PLCB2: variants seen among roughly 807,000 people sequenced by gnomAD.
The protein encoded by PLCB2 is 1-phosphatidylinositol 4,5-bisphosphate phosphodiesterase beta-2.
A neutral mutation model predicts 141.7 loss-of-function variants in PLCB2; 115 were observed. The ratio of observed to expected loss-of-function variants is 0.81; its 90% CI spans 0.70 to 0.95. The LOEUF is 0.95. PLCB2 is among the 40% of genes least tolerant of loss of function. The pLI is 0.00. For synonymous variants in PLCB2, 603 were observed against 595.6 expected, an observed-to-expected ratio of 1.01 and a Z score of -0.18; for missense variants, 1,403 against 1,541.1, an observed-to-expected ratio of 0.91 and a Z score of 1.50.
At chr15:40,290,464 G>A (rs2039827128) in intron 29 of PLCB2, 113 bp downstream of exon 29, 1 of 807,244 alleles carries the variant, frequency 1.2e-6, no homozygotes. Context: ...GCTTTTTGGA[G>A]AGCCAGGGGA....
downstream of PLCB2, among the ~76,000 whole-genome samples, chr15:40,287,237 C>T (rs2039625960): frequency 6.6e-6 from 1 of 152,164 alleles, no homozygotes; most frequent in Non-Finnish European, 1.5e-5. Flanking sequence ...CCTCACCCTA[C>T]AGCCAGGGCC....
chr15:40,295,016 C>T lies in PLCB2; in HGVS notation c.1826G>A (p.Arg609His), dbSNP rs376425228. 25 of 1,613,846 alleles carry T rather than the reference C, an allele frequency of 1.5e-5. 1 individual carries two copies. Among genetic ancestry groups the T allele is most frequent in the South Asian group, 5.5e-5 (5 of 91,086 alleles). The change falls in exon 18 of 32, where the codon CGC (arginine) becomes CAC (histidine). Residue 609 changes from arginine to histidine, a missense_variant. By Grantham distance (29) the Arg-to-His change is conservative (BLOSUM62 0). Coordinates refer to ENST00000260402, the MANE Select transcript of PLCB2 (RefSeq NM_004573.3). ...QMSRIYPKGT[R>H]MDSSNYMPQM... ...GGGCATGTAGTTGGAGGAGTCCATG[C>T]GGGTTCCCTTGGGGTAAATGCGGCT...
intron 1 of PLCB2, among the ~76,000 whole-genome samples, chr15:40,306,421 C>T (rs2040799913): frequency 6.6e-6 from 1 of 152,164 alleles, no homozygotes; most frequent in African/African-American, 2.4e-5. Context: ...CCTCCACTGC[C>T]ACCCTGTGAC....
Position 40,294,365 on chromosome 15 carries a change from GT to G in PLCB2, c.1961del (p.Tyr654SerfsTer35). On this transcript the variant is annotated frameshift_variant, in exon 19 of 32. Transcript: ENST00000260402. LOFTEE classifies it high-confidence loss of function. ...GGCGCATGAACTCATGCTTGAGGAG[GT>G]AGCCGCTCTGCCCGTTGAACTCAAA... is the stretch of plus-strand genomic sequence containing the variant. ...AVFEFNGQSG[Y>X]LLKHEFMRRP... 1 of 1,614,062 alleles carries G rather than the reference GT, an allele frequency of 6.2e-7. No homozygotes were observed.
rs936209 is a variant in PLCB2 at position 40,291,257 on chromosome 15, A to G, written c.2870+8T>C. 0.98 allele frequency: 1,547,916 copies of G among 1,572,604 alleles called. 762,512 individuals are homozygous for G. The highest frequency in any genetic ancestry group is 1 in the South Asian group (87,070 of 87,308). ...CTGCAGAGGGCAGGGCACCGCCACGAGCCTTACCTCTTCTTGCGAGAGCCC... is the reference window on the plus strand; with the variant it reads ...CTGCAGAGGGCAGGGCACCGCCACGGGCCTTACCTCTTCTTGCGAGAGCCC... On this transcript the variant is annotated splice_region_variant and intron_variant, in intron 26 of 31. Transcript: ENST00000260402.
chr15:40,284,656 A>G (rs1055128239), downstream of PLCB2: 44 of 432,876 alleles, frequency 1.0e-4, no homozygotes, highest in South Asian at 6.5e-5. Flanking sequence ...CCTGGCCAAC[A>G]TGGTGAAACC....
At position 40,288,892 on chromosome 15, in the gene PLCB2, G is replaced by A. The variant is rs374674205; in HGVS notation, c.3381C>T (p.Tyr1127=). 1.4e-5 allele frequency: 22 copies of A among 1,613,430 alleles called. No homozygotes were observed. Among genetic ancestry groups the A allele is most frequent in the Admixed American group, 1.3e-4 (8 of 59,998 alleles). ...CCTCCAGACCCTTCATCCTGGCCTC[G>A]TACTCTGCCAGCGCCTCCTTCTGGA... ...KQFQKEALAE[Y]EARMKGLEAE... Residue 1127 remains tyrosine, a synonymous_variant, in exon 32 of 32, where the codon TAC becomes TAT. Coordinates refer to ENST00000260402, the MANE Select transcript of PLCB2 (RefSeq NM_004573.3).
At chr15:40,306,093 C>T (rs3784399) in intron 1 of PLCB2, among the ~76,000 whole-genome samples, 34,338 of 152,096 alleles carry the variant, frequency 0.23, 4,964 homozygotes, top group Non-Finnish European at 0.32. Flanking sequence ...AGGGGGAGAG[C>T]TTCTCCTACC....
chr15:40,289,265 C>T lies in PLCB2; in HGVS notation c.3354+7G>A. Reference sequence around the variant, plus strand: ...TCTGCTGGGGGTCCCAGTAGTGAACCTGTTACCTGCTTTTCCATCTCCCGT... The same window carrying T: ...TCTGCTGGGGGTCCCAGTAGTGAACTTGTTACCTGCTTTTCCATCTCCCGT... On this transcript the variant is annotated splice_region_variant and intron_variant, in intron 31 of 31. Coordinates refer to ENST00000260402, the MANE Select transcript of PLCB2 (RefSeq NM_004573.3). The T allele has an allele frequency of 6.2e-7, 1 of 1,611,600 alleles. No homozygotes were observed. The highest frequency in any genetic ancestry group is 8.5e-7 in the Non-Finnish European group (1 of 1,177,690).
At chr15:40,291,221 C>T (rs1233364082) in intron 26 of PLCB2, 38 bp from the exon 27 acceptor site, 1 of 1,569,326 alleles carries the variant, frequency 6.4e-7, no homozygotes, top group East Asian at 2.3e-5. Context: ...TGAGATCCTG[C>T]GCCACCCGCG....
chr15:40,289,470 C>A, intron 30 of PLCB2, 112 bp from the exon 31 acceptor site: 1 of 770,510 alleles, frequency 1.3e-6, no homozygotes, highest in South Asian at 1.5e-5. Context: ...AATTCCTTAA[C>A]ATTAGGTAGT....
downstream of PLCB2, chr15:40,284,421 C>T (rs1182020417): frequency 1.6e-5 from 7 of 427,906 alleles, no homozygotes; most frequent in Non-Finnish European, 2.8e-5. Context: ...GGGCTGAATT[C>T]TTCTGCTAAA....
At chr15:40,287,423 T>A (rs2039629739), downstream of PLCB2, among the ~76,000 whole-genome samples, 1 of 152,202 alleles carries the variant, frequency 6.6e-6, no homozygotes, top group South Asian at 2.1e-4. Context: ...AGCCAGTGCC[T>A]GTCCCTATTT....
chr15:40,289,154 A>G (rs1284578479), intron 31 of PLCB2, 118 bp downstream of exon 31: 2 of 1,047,530 alleles, frequency 1.9e-6, no homozygotes, highest in East Asian at 2.4e-5. Flanking sequence ...GGGACCCCAC[A>G]GTGAAGGATG....
Position 40,288,289 on chromosome 15 carries a change from A to G in PLCB2, c.*426T>C. 1.0e-6 allele frequency: 1 copy of G among 991,154 alleles called. No homozygotes were observed. Among genetic ancestry groups the G allele is most frequent in the Non-Finnish European group, 1.2e-6 (1 of 833,928 alleles). The allele number at this position is 991,154 out of a possible 1,614,324, so 61.4% of individuals were successfully genotyped here. Reference sequence around the variant, plus strand: ...TCAGGGCAGGCCTGATGGGGCCTGGAAGCCTGGGGCAGGAGGGTTCGGGGC... The same window carrying G: ...TCAGGGCAGGCCTGATGGGGCCTGGGAGCCTGGGGCAGGAGGGTTCGGGGC... On this transcript the variant is annotated 3_prime_UTR_variant, in exon 32 of 32. Coordinates refer to ENST00000260402, the MANE Select transcript of PLCB2 (RefSeq NM_004573.3).
chr15:40,305,463 G>A (rs1357226157), intron 1 of PLCB2, among the ~76,000 whole-genome samples: 1 of 152,200 alleles, frequency 6.6e-6, no homozygotes, highest in African/African-American at 2.4e-5. Flanking sequence ...GTGAGGCAGA[G>A]CAGGGGGTGC....
At chr15:40,293,124 GGTGA>G in intron 20 of PLCB2, 99 bp from the exon 21 acceptor site, 1 of 714,732 alleles carries the variant, frequency 1.4e-6, no homozygotes, top group Non-Finnish European at 2.4e-6. Context: ...GTGAGAACAT[GGTGA>G]GTGTCACCAG....
chr15:40,305,251 A>T (rs925273624), intron 1 of PLCB2, among the ~76,000 whole-genome samples: 2 of 149,816 alleles, frequency 1.3e-5, no homozygotes, highest in Non-Finnish European at 1.5e-5. Context: ...CATAGTATAC[A>T]TGTGCCATGG....
rs2040632558 is a variant in PLCB2, at chr15:40,303,506, A to C, written c.163-150T>G. ...TCTAGATGCCAGGCTGCCCAGGGCC[A>C]GCTGGACCCAAACTTCCCTTCCTAT... is the stretch of plus-strand genomic sequence containing the variant. On this transcript the variant is annotated intron_variant, in intron 2 of 31. Coordinates refer to ENST00000260402, the MANE Select transcript of PLCB2 (RefSeq NM_004573.3). 1.1e-5 allele frequency: 7 copies of C among 638,310 alleles called. No individual in the cohort carries two copies. In the Admixed American group the frequency reaches 1.5e-4, roughly 14 times the overall value. The allele number at this position is 638,310 out of a possible 1,614,324, so 39.5% of individuals were successfully genotyped here. A position where few individuals can be genotyped will look rare whatever the true frequency, so the allele number is the denominator to read the frequency against.
Sources: allele counts gnomAD v4.1 joint callset (sites outside exome capture counted in the v4.1 genomes callset), GRCh38; gene constraint gnomAD v4.1.1; transcripts MANE v1.5; gene names NCBI Gene and HGNC (gene_info 2026-07-23, HGNC 2026-07-21).